Variants in TMEM178B observed in about 807,000 individuals in gnomAD.
TMEM178B encodes transmembrane protein 178B.
Under a neutral mutation model 31.0 loss-of-function variants are expected in TMEM178B, and 5 were observed. That is an observed-to-expected ratio of 0.16 (90% CI 0.08 to 0.34). The LOEUF is 0.34. Ranked by LOEUF, TMEM178B falls within the 10% of genes least tolerant of loss-of-function variation. TMEM178B has a pLI of 1.00. For synonymous variants in TMEM178B, 164 were observed against 164.0 expected (o/e 1.00, Z 0.00); for missense variants, 275 against 400.3 (o/e 0.69, Z 2.67).
intron 3 of TMEM178B, among the ~76,000 whole-genome samples, chr7:141,452,898 A>C (rs1801893524): frequency 6.6e-6 from 1 of 152,218 alleles, no homozygotes; most frequent in Non-Finnish European, 1.5e-5. Flanking sequence ...AATAAAGGCC[A>C]ATGTCCCCAG....
At chr7:141,329,672 G>T (rs1425819899) in intron 2 of TMEM178B, among the ~76,000 whole-genome samples, 1 of 152,206 alleles carries the variant, frequency 6.6e-6, no homozygotes, top group South Asian at 2.1e-4. Context: ...CTGCAGATGT[G>T]TTGGGGGAAG....
rs1240158114 is a variant in TMEM178B at position 141,164,769 on chromosome 7, G to A, written c.383-47822G>A. Among the ~76,000 whole-genome samples, 7 of 152,084 alleles carry A rather than the reference G, an allele frequency of 4.6e-5. No individual in the cohort carries two copies. The East Asian group carries it at 1.3e-3, about 29-fold the overall frequency. ...AAGAGGTTTGCAACTAGGAGTTCAG[G>A]GCTGATAAGAGGGCAATGAGTGTCG... On this transcript the variant is annotated intron_variant, in intron 1 of 3. Transcript: ENST00000565468.
chr7:141,105,260 G>A (rs1351359890), intron 1 of TMEM178B, among the ~76,000 whole-genome samples: 1 of 152,176 alleles, frequency 6.6e-6, no homozygotes, highest in Non-Finnish European at 1.5e-5. Context: ...TGTAATCCCA[G>A]CACTTTGGAG....
intron 2 of TMEM178B, among the ~76,000 whole-genome samples, chr7:141,390,518 C>T (rs904644869): frequency 6.6e-5 from 10 of 152,254 alleles, no homozygotes; most frequent in African/African-American, 2.4e-4. Context: ...CTGGCCTCAT[C>T]CCCAGCCCTT....
At chr7:141,316,434 A>T (rs1799006335) in intron 2 of TMEM178B, among the ~76,000 whole-genome samples, 1 of 152,224 alleles carries the variant, frequency 6.6e-6, no homozygotes, top group Non-Finnish European at 1.5e-5. Flanking sequence ...CAAGGCATCT[A>T]GGCAAACGAA....
At chr7:141,238,783 A>AAC (rs1361028396) in intron 2 of TMEM178B, among the ~76,000 whole-genome samples, 1 of 152,180 alleles carries the variant, frequency 6.6e-6, no homozygotes, top group African/African-American at 2.4e-5. Flanking sequence ...CCCTGTGACC[A>AAC]ACAGCGAGAG....
intron 3 of TMEM178B, among the ~76,000 whole-genome samples, chr7:141,468,922 A>G (rs1325824427): frequency 6.6e-6 from 1 of 152,178 alleles, no homozygotes; most frequent in African/African-American, 2.4e-5. Flanking sequence ...TGACATTTAC[A>G]TAGGGCACGA....
chr7:141,187,925 G>A (rs1463853238), intron 1 of TMEM178B, among the ~76,000 whole-genome samples: 1 of 152,112 alleles, frequency 6.6e-6, no homozygotes, highest in African/African-American at 2.4e-5. Context: ...TTCTTTTGCT[G>A]TGCAGAAGCT....
At chr7:141,274,537 G>T (rs1563138267) in intron 2 of TMEM178B, among the ~76,000 whole-genome samples, 2 of 152,142 alleles carry the variant, frequency 1.3e-5, no homozygotes, top group African/African-American at 4.8e-5. Flanking sequence ...TCCAAAGAAG[G>T]CCCACCCCCT....
At chr7:141,470,159 A>G (rs1192994625) in intron 3 of TMEM178B, among the ~76,000 whole-genome samples, 2 of 152,230 alleles carry the variant, frequency 1.3e-5, no homozygotes, top group Admixed American at 6.5e-5. Flanking sequence ...GGTGTTTTCC[A>G]TGTCTCCAAA....
intron 1 of TMEM178B, among the ~76,000 whole-genome samples, chr7:141,105,652 A>G (rs1431864666): frequency 6.6e-6 from 1 of 152,220 alleles, no homozygotes; most frequent in Admixed American, 6.5e-5. Flanking sequence ...TCCAAGTTCG[A>G]GCTGCTAAAG....
chr7:141,133,181 C>A (rs374862649), intron 1 of TMEM178B, among the ~76,000 whole-genome samples: 1 of 151,664 alleles, frequency 6.6e-6, no homozygotes, highest in Non-Finnish European at 1.5e-5. Context: ...CATGAAAAAG[C>A]AAAAAGATAT....
chr7:141,250,169 C>T (rs891251235), intron 2 of TMEM178B, among the ~76,000 whole-genome samples: 2 of 152,066 alleles, frequency 1.3e-5, no homozygotes, highest in Non-Finnish European at 2.9e-5. Context: ...TGCAAGATGC[C>T]TATTATTAAC....
intron 2 of TMEM178B, among the ~76,000 whole-genome samples, chr7:141,417,936 T>G (rs1368813601): frequency 6.6e-6 from 1 of 152,150 alleles, no homozygotes; most frequent in Non-Finnish European, 1.5e-5. Flanking sequence ...GATCCAGAGC[T>G]TAAGTCCAGA....
chr7:141,394,604 C>G (rs1291240250), intron 2 of TMEM178B, among the ~76,000 whole-genome samples: 3 of 152,172 alleles, frequency 2.0e-5, no homozygotes, highest in African/African-American at 7.2e-5. Context: ...AATCATAGCC[C>G]CTGTGTAGAA....
At chr7:141,367,632 G>C (rs778900734) in intron 2 of TMEM178B, among the ~76,000 whole-genome samples, 2 of 152,102 alleles carry the variant, frequency 1.3e-5, no homozygotes, top group Non-Finnish European at 2.9e-5. Flanking sequence ...TATAATGTGA[G>C]ATAAAACATT....
At chr7:141,410,702 ACCT>A (rs1416893200) in intron 2 of TMEM178B, among the ~76,000 whole-genome samples, 1 of 151,332 alleles carries the variant, frequency 6.6e-6, no homozygotes, top group Non-Finnish European at 1.5e-5. Flanking sequence ...CCTAACCCAA[ACCT>A]CCTCACCTCT....
At chr7:141,133,102 C>T (rs544314606) in intron 1 of TMEM178B, among the ~76,000 whole-genome samples, 30 of 151,626 alleles carry the variant, frequency 2.0e-4, no homozygotes, top group Non-Finnish European at 4.0e-4. Flanking sequence ...CTATGAAAGC[C>T]AATTCATAAA....
chr7:141,489,351 C>A, the TMEM178B span, among the ~76,000 whole-genome samples: 8 of 152,150 alleles, frequency 5.3e-5, no homozygotes, highest in Non-Finnish European at 8.8e-5. Context: ...TTTTGCCCCC[C>A]TTTGTCCCTT....
Sources: allele counts gnomAD v4.1 joint callset (sites outside exome capture counted in the v4.1 genomes callset), GRCh38; gene constraint gnomAD v4.1.1; transcripts MANE v1.5; gene names NCBI Gene and HGNC (gene_info 2026-07-23, HGNC 2026-07-21).